Variants in SSH1 observed in about 807,000 individuals in gnomAD.
SSH1 encodes the protein protein phosphatase Slingshot homolog 1.
A neutral mutation model predicts 79.7 loss-of-function variants in SSH1; 43 were observed. That is an observed-to-expected ratio of 0.54 (90% CI 0.42 to 0.70). SSH1 has a LOEUF of 0.70. SSH1 is among the 30% of genes least tolerant of loss of function. The pLI is 0.00. For synonymous variants in SSH1, 599 were observed against 538.3 expected (o/e 1.11, Z -1.56); for missense variants, 1,206 against 1,358.8 (o/e 0.89, Z 1.77).
intron 3 of SSH1, among the ~76,000 whole-genome samples, chr12:108,820,628 G>C (rs2038082243): frequency 6.6e-6 from 1 of 152,204 alleles, no homozygotes; most frequent in Non-Finnish European, 1.5e-5. Context: ...AAAAAAATCA[G>C]AGAATATAAG....
rs2036217838 is a variant in SSH1 at position 108,784,569 on chromosome 12, G to A, written c.*3419C>T. The A allele has an allele frequency of 1.3e-5, 2 of 152,178 alleles. No individual in the cohort carries two copies. Among genetic ancestry groups the A allele is most frequent in the African/African-American group, 2.4e-5 (1 of 41,438 alleles). 9.4% of individuals were successfully genotyped at this position (152,178 alleles called of 1,614,324 possible). A position where few individuals can be genotyped will look rare whatever the true frequency, so the allele number is the denominator to read the frequency against. ...GCTCTTAGGAAATACATGCAACCAG[G>A]GACCTTGCTAGAAGGCTCGGAAGTA... On this transcript the variant is annotated 3_prime_UTR_variant, in exon 15 of 15. Coordinates refer to ENST00000326495, the MANE Select transcript of SSH1 (RefSeq NM_018984.4).
intron 14 of SSH1, 77 bp from the exon 15 acceptor site, chr12:108,789,321 GA>G: frequency 6.7e-7 from 1 of 1,488,314 alleles, no homozygotes. Context: ...GGTGGGCAGG[GA>G]AAGGGGTGCG....
In SSH1 at chr12:108,788,009, A is replaced by T. The variant is rs370169120; in HGVS notation, c.3129T>A (p.Pro1043=). ...CGGGTCAGCTTTTGCTCATCCACGA[A>T]GGGCTCTTTAAGTTTTCTGGGGCGG... ...GKPAPENLKS[P]SWMSKS The change falls in exon 15 of 15, where the codon CCT becomes CCA. Residue 1043 remains proline, a synonymous_variant. Coordinates refer to ENST00000326495, the MANE Select transcript of SSH1 (RefSeq NM_018984.4). 5 of 1,614,130 alleles carry T rather than the reference A, an allele frequency of 3.1e-6. No homozygotes were observed. Among genetic ancestry groups the T allele is most frequent in the Non-Finnish European group, 4.2e-6 (5 of 1,180,030 alleles).
intron 2 of SSH1, chr12:108,836,795 C>T: frequency 2.5e-6 from 1 of 403,682 alleles, no homozygotes; most frequent in South Asian, 1.9e-5. Context: ...AATCAAGTGC[C>T]ACCTTATGGG....
intron 2 of SSH1, chr12:108,827,161 A>G (rs1020025226): frequency 8.7e-7 from 1 of 1,145,018 alleles, no homozygotes; most frequent in Non-Finnish European, 1.2e-6. Context: ...AACCTCAATC[A>G]ATGCTCCTCA....
chr12:108,852,493 G>T (rs2039062801), intron 2 of SSH1, 145 bp downstream of exon 2: 1 of 923,476 alleles, frequency 1.1e-6, no homozygotes, highest in Admixed American at 1.7e-5. Flanking sequence ...GCCTCCCAAA[G>T]TGCTGGAATT....
In SSH1 at chr12:108,787,825, T is replaced by G; in HGVS notation, c.*163A>C. On this transcript the variant is annotated 3_prime_UTR_variant, in exon 15 of 15. Coordinates refer to ENST00000326495, the MANE Select transcript of SSH1 (RefSeq NM_018984.4). ...TCCCCTTCTTGTGCTGCATGTTGGT[T>G]AGTTTCTTCTCCTCCTCTCTATGGC... 1 of 875,834 alleles carries G rather than the reference T, an allele frequency of 1.1e-6. No homozygotes were observed. Among genetic ancestry groups the G allele is most frequent in the Non-Finnish European group, 1.7e-6 (1 of 573,240 alleles). 54.3% of individuals were successfully genotyped at this position (875,834 alleles called of 1,614,324 possible). A position where few individuals can be genotyped will look rare whatever the true frequency, so the allele number is the denominator to read the frequency against.
At position 108,807,677 on chromosome 12, in the gene SSH1, G is replaced by A. The variant is rs2137078764; in HGVS notation, c.687C>T (p.Asp229=). 6.2e-7 allele frequency: 1 copy of A among 1,613,206 alleles called. No homozygotes were observed. The highest frequency in any genetic ancestry group is 1.1e-5 in the South Asian group (1 of 91,022). ...SCINEWNAMQ[D]LESTRPDSPA... is the part of the protein sequence containing the mutation. ...GGGAGTCGGGCCGCGTAGACTCCAG[G>A]TCCTGCATGGCGTTCCACTCGTTGA... The change falls in exon 8 of 15, where the codon GAC becomes GAT. Residue 229 remains aspartate (D), a synonymous_variant. Transcript: ENST00000326495. The surrounding 1 kb of genome is among the most constrained non-coding windows in gnomAD (Gnocchi z 5.2).
At position 108,789,116 on chromosome 12, in the gene SSH1, G is replaced by C; in HGVS notation, c.2022C>G (p.Pro674=). ...GGAAGGCTGGCTGGGTGCAGATGGCGGGAGCATTGGGGTCCTCACATCGCT... is the reference window on the plus strand; with the variant it reads ...GGAAGGCTGGCTGGGTGCAGATGGCCGGAGCATTGGGGTCCTCACATCGCT... ...SRERCEDPNA[P]AICTQPAFLP... is the part of the protein sequence containing the mutation. The change falls in exon 15 of 15, where the codon CCC becomes CCG. Residue 674 remains proline (P), a synonymous_variant. Coordinates refer to ENST00000326495, the MANE Select transcript of SSH1 (RefSeq NM_018984.4). 1 of 1,613,922 alleles carries C rather than the reference G, an allele frequency of 6.2e-7. No individual in the cohort carries two copies. Among genetic ancestry groups the C allele is most frequent in the Non-Finnish European group, 8.5e-7 (1 of 1,179,888 alleles).
rs986678318 is a variant in SSH1, at chr12:108,807,072, C to T, written c.731+561G>A. ...AGGGTCCTGACCCCGAGGGGAGGGG[C>T]GACCAGCATTCTCCCTAACTAGACT... On this transcript the variant is annotated intron_variant, in intron 8 of 14. Coordinates refer to ENST00000326495, the MANE Select transcript of SSH1 (RefSeq NM_018984.4). This position sits in a 1 kb window ranked among gnomAD's most constrained non-coding sequence, Gnocchi z 5.2. 2.0e-5 allele frequency among the ~76,000 whole-genome samples: 3 copies of T among 152,186 alleles called. No homozygotes were observed. The highest frequency in any genetic ancestry group is 4.8e-5 in the African/African-American group (2 of 41,446).
In SSH1 at chr12:108,830,360, G is replaced by A. The variant is rs145903570; in HGVS notation, c.111-6999C>T. ...CCAGCTTCTTGGGAAGCTGAGGCAC[G>A]AGAATCACTTGTACCCTGGAGGTCG... On this transcript the variant is annotated intron_variant, in intron 2 of 14. Coordinates refer to ENST00000326495, the MANE Select transcript of SSH1 (RefSeq NM_018984.4). Among the ~76,000 whole-genome samples the A allele has an allele frequency of 2.4e-4, 37 of 152,248 alleles. No homozygotes were observed. In the East Asian group the frequency reaches 4.4e-3, roughly 18 times the overall value.
intron 13 of SSH1, among the ~76,000 whole-genome samples, chr12:108,793,706 T>C (rs1445711844): frequency 6.6e-6 from 1 of 152,166 alleles, no homozygotes; most frequent in Non-Finnish European, 1.5e-5. Context: ...CTGTAATACA[T>C]TTTTAAAATG....
At chr12:108,853,343 AT>A (rs2039082212) in intron 1 of SSH1, 2 of 984,964 alleles carry the variant, frequency 2.0e-6, no homozygotes, top group Non-Finnish European at 2.4e-6. Flanking sequence ...ACTTATTTTT[AT>A]TTTTTTTCTT....
chr12:108,804,931 G>C, intron 10 of SSH1, 125 bp downstream of exon 10: 1 of 1,182,932 alleles, frequency 8.5e-7, no homozygotes, highest in Non-Finnish European at 1.2e-6. Context: ...TGCCAGCCAG[G>C]ATGGAGGCTC....
chr12:108,783,426 T>C lies in SSH1; in HGVS notation c.*4562A>G, dbSNP rs781639144. 1 of 152,228 alleles carries C rather than the reference T, an allele frequency of 6.6e-6. No individual in the cohort carries two copies. Among genetic ancestry groups the C allele is most frequent in the Non-Finnish European group, 1.5e-5 (1 of 68,040 alleles). 9.4% of individuals were successfully genotyped at this position (152,228 alleles called of 1,614,324 possible). On this transcript the variant is annotated 3_prime_UTR_variant, in exon 15 of 15. Transcript: ENST00000326495. ...ATACATAGTATTTGTAAACTATTAT[T>C]AAGGCACTCAATTGTAAAACAATAA... is the stretch of plus-strand genomic sequence containing the variant.
rs1427385819 is a variant in SSH1, at chr12:108,780,111, G to A, written c.*7877C>T. 1 of 152,304 alleles carries A rather than the reference G, an allele frequency of 6.6e-6. No individual in the cohort carries two copies. The highest frequency in any genetic ancestry group is 1.9e-4 in the East Asian group (1 of 5,202). 9.4% of individuals were successfully genotyped at this position (152,304 alleles called of 1,614,324 possible). On this transcript the variant is annotated 3_prime_UTR_variant, in exon 15 of 15. Transcript: ENST00000326495. The stretch of plus-strand genomic sequence containing the variant: ...TTAGGAGGCAAGGATGCGTGGGTGG[G>A]TGGTGTTTCCTGGGTGGAGCTCTCC...
At chr12:108,851,760 A>G (rs1441070058) in intron 2 of SSH1, among the ~76,000 whole-genome samples, 2 of 152,242 alleles carry the variant, frequency 1.3e-5, no homozygotes. Flanking sequence ...CTGAATTGAT[A>G]CCTTTAGGGG....
rs1195517512 is a variant in SSH1 at position 108,784,100 on chromosome 12, T to G, written c.*3888A>C. The G allele has an allele frequency of 6.6e-6, 1 of 152,174 alleles. No individual in the cohort carries two copies. The highest frequency in any genetic ancestry group is 2.4e-5 in the African/African-American group (1 of 41,434). The allele number at this position is 152,174 out of a possible 1,614,324, so 9.4% of individuals were successfully genotyped here. A position where few individuals can be genotyped will look rare whatever the true frequency, so the allele number is the denominator to read the frequency against. On this transcript the variant is annotated 3_prime_UTR_variant, in exon 15 of 15. Coordinates refer to ENST00000326495, the MANE Select transcript of SSH1 (RefSeq NM_018984.4). ...CAACTCCCTCTCCAGATGCCTCAGG[T>G]GAGATGACTTAATAGGATCTTGACT...
intron 6 of SSH1, among the ~76,000 whole-genome samples, chr12:108,810,981 G>T (rs957926660): frequency 6.6e-6 from 1 of 152,200 alleles, no homozygotes; most frequent in African/African-American, 2.4e-5. Flanking sequence ...TCGAGGTGGC[G>T]GATGGGTATC....
Sources: allele counts gnomAD v4.1 joint callset (sites outside exome capture counted in the v4.1 genomes callset), GRCh38; gene constraint gnomAD v4.1.1; non-coding constraint Gnocchi (gnomAD v3.1); transcripts MANE v1.5; gene names NCBI Gene and HGNC (gene_info 2026-07-23, HGNC 2026-07-21).